ZNF385B: variants seen among roughly 807,000 people sequenced by gnomAD.
The protein encoded by ZNF385B is zinc finger protein 385B, also known as zinc finger protein 533.
Under a neutral mutation model 39.2 loss-of-function variants are expected in ZNF385B, and 23 were observed. The observed-to-expected ratio is 0.59, with a 90% CI of 0.42 to 0.83. The LOEUF is 0.83. Among genes scored for constraint, ZNF385B ranks in the 40% least tolerant of loss-of-function variants. ZNF385B has a pLI of 0.00. For missense variants in ZNF385B, 552 were observed against 598.9 expected, an observed-to-expected ratio of 0.92 and a Z score of 0.82; for synonymous variants, 205 against 222.6, an observed-to-expected ratio of 0.92 and a Z score of 0.70.
intron 3 of ZNF385B, among the ~76,000 whole-genome samples, chr2:179,611,880 T>C (rs2106134962): frequency 6.6e-6 from 1 of 152,240 alleles, no homozygotes; most frequent in East Asian, 1.9e-4. Context: ...ATGTCTCCTT[T>C]TCCACCTCTA....
At chr2:179,484,429 A>T (rs1167181547) in intron 5 of ZNF385B, among the ~76,000 whole-genome samples, 1 of 152,198 alleles carries the variant, frequency 6.6e-6, no homozygotes, top group African/African-American at 2.4e-5. Context: ...AATGGATGAC[A>T]AATCTTATGC....
intron 1 of ZNF385B, among the ~76,000 whole-genome samples, chr2:179,850,067 C>A (rs149613129): frequency 9.1e-4 from 139 of 152,108 alleles, no homozygotes; most frequent in African/African-American, 3.3e-3. Flanking sequence ...AATGCTGTGG[C>A]ATATAGTAGG....
chr2:179,568,647 G>A (rs540091934), intron 3 of ZNF385B, among the ~76,000 whole-genome samples: 1 of 152,310 alleles, frequency 6.6e-6, no homozygotes, highest in Non-Finnish European at 1.5e-5. Context: ...CAGCAGGGCT[G>A]ACATACATTT....
At chr2:179,529,080 G>A (rs1423607734) in intron 4 of ZNF385B, among the ~76,000 whole-genome samples, 2 of 152,086 alleles carry the variant, frequency 1.3e-5, no homozygotes, top group African/African-American at 4.8e-5. Flanking sequence ...TTTTGGCGTT[G>A]ATGTTCCTAT....
At chr2:179,641,538 C>A (rs973760536) in intron 3 of ZNF385B, among the ~76,000 whole-genome samples, 6 of 152,060 alleles carry the variant, frequency 3.9e-5, no homozygotes, top group African/African-American at 1.4e-4. Context: ...CAGAAATGGA[C>A]TCTTGGAAAT....
At chr2:179,576,160 C>A (rs1024760414) in intron 3 of ZNF385B, 2 of 985,306 alleles carry the variant, frequency 2.0e-6, no homozygotes, top group Non-Finnish European at 2.4e-6. Context: ...CTGTGACTGA[C>A]TTCTGTCCTA....
At chr2:179,605,084 C>T (rs149911618) in intron 3 of ZNF385B, among the ~76,000 whole-genome samples, 1 of 152,124 alleles carries the variant, frequency 6.6e-6, no homozygotes, top group African/African-American at 2.4e-5. Flanking sequence ...ATTTTGGATG[C>T]CTGAGAGAGA....
At chr2:179,742,379 T>C (rs534797972) in intron 3 of ZNF385B, among the ~76,000 whole-genome samples, 2 of 152,206 alleles carry the variant, frequency 1.3e-5, no homozygotes, top group Admixed American at 6.6e-5. Context: ...AGAAAGTAGG[T>C]AGAGTTTCCA....
intron 3 of ZNF385B, among the ~76,000 whole-genome samples, chr2:179,655,095 T>C (rs1399693750): frequency 6.6e-6 from 1 of 152,188 alleles, no homozygotes; most frequent in African/African-American, 2.4e-5. Flanking sequence ...TGAATAATTG[T>C]ATCATGGGTA....
At chr2:179,485,808 G>C (rs1559316762) in intron 5 of ZNF385B, among the ~76,000 whole-genome samples, 1 of 152,136 alleles carries the variant, frequency 6.6e-6, no homozygotes, top group African/African-American at 2.4e-5. Context: ...TTTGGTAGTA[G>C]TGTAATCTAA....
intron 3 of ZNF385B, among the ~76,000 whole-genome samples, chr2:179,682,948 C>T (rs765759882): frequency 6.6e-6 from 1 of 152,128 alleles, no homozygotes; most frequent in Non-Finnish European, 1.5e-5. Flanking sequence ...TCCCAGCTTC[C>T]TTCTCTCTCA....
chr2:179,705,906 C>T (rs748152776), intron 3 of ZNF385B, among the ~76,000 whole-genome samples: 5 of 152,292 alleles, frequency 3.3e-5, no homozygotes, highest in Non-Finnish European at 5.9e-5. Flanking sequence ...GTTTGGTGAC[C>T]ACTGAAACAG....
chr2:179,529,291 A>G (rs772906580), intron 4 of ZNF385B, among the ~76,000 whole-genome samples: 1 of 152,194 alleles, frequency 6.6e-6, no homozygotes, highest in Non-Finnish European at 1.5e-5. Flanking sequence ...ATGTCTTCTA[A>G]GAAAACTCTG....
rs189601040 is a variant in ZNF385B, at chr2:179,679,036, T to C, written c.298+90467A>G. On this transcript the variant is annotated intron_variant, in intron 3 of 9. Coordinates refer to ENST00000410066, the MANE Select transcript of ZNF385B (RefSeq NM_152520.6). The stretch of plus-strand genomic sequence containing the variant: ...TACAAAGAACACTTTGTATTCTCAA[T>C]GCTTTGCAGTGTTAGACGCTCATGT... Among the ~76,000 whole-genome samples the C allele has an allele frequency of 1.8e-3, 279 of 152,302 alleles. 1 individual carries two copies. Among genetic ancestry groups the C allele is most frequent in the African/African-American group, 6.4e-3 (265 of 41,566 alleles).
intron 3 of ZNF385B, among the ~76,000 whole-genome samples, chr2:179,580,183 A>G (rs989103390): frequency 4.6e-5 from 7 of 151,548 alleles, no homozygotes; most frequent in Non-Finnish European, 8.8e-5. Context: ...AATGTAAGCA[A>G]GAAAAGTGCA....
rs149565092 is a variant in ZNF385B, at chr2:179,721,676, T to C, written c.298+47827A>G. Among the ~76,000 whole-genome samples, 1,072 of 150,906 alleles carry C rather than the reference T, an allele frequency of 7.1e-3. 10 individuals carry two copies. Among genetic ancestry groups the C allele is most frequent in the African/African-American group, 0.025 (1,017 of 41,136 alleles). On this transcript the variant is annotated intron_variant, in intron 3 of 9. Transcript: ENST00000410066. ...AAAAAGTATTTAATAAAATGCAATA[T>C]TTTTTATAACAAAAATTGTTAGTAT... is the stretch of plus-strand genomic sequence containing the variant.
intron 3 of ZNF385B, among the ~76,000 whole-genome samples, chr2:179,706,730 G>T (rs997415322): frequency 1.5e-4 from 23 of 152,186 alleles, no homozygotes; most frequent in African/African-American, 5.1e-4. Context: ...TTCACTGGCT[G>T]TTTCTGACTG....
chr2:179,711,784 T>G (rs1700011977), intron 3 of ZNF385B, among the ~76,000 whole-genome samples: 1 of 152,058 alleles, frequency 6.6e-6, no homozygotes, highest in Non-Finnish European at 1.5e-5. Context: ...TGGTAGCAGT[T>G]CTGTTCCCTA....
At chr2:179,740,413 G>A (rs1358348858) in intron 3 of ZNF385B, among the ~76,000 whole-genome samples, 1 of 152,158 alleles carries the variant, frequency 6.6e-6, no homozygotes, top group Non-Finnish European at 1.5e-5. Context: ...TTCCCTGGGG[G>A]AGGCATCTTT....
Sources: allele counts gnomAD v4.1 joint callset (sites outside exome capture counted in the v4.1 genomes callset), GRCh38; gene constraint gnomAD v4.1.1; transcripts MANE v1.5; gene names NCBI Gene and HGNC (gene_info 2026-07-23, HGNC 2026-07-21).